The following SPAG16 variants were observed in gnomAD, a reference collection of about 807,000 sequenced individuals.
The protein encoded by SPAG16 is sperm associated antigen 16, also known as sperm-associated antigen 16 protein.
A neutral mutation model predicts 80.4 loss-of-function variants in SPAG16; 86 were observed. That is an observed-to-expected ratio of 1.07 (90% CI 0.90 to 1.28). The LOEUF (loss-of-function observed/expected upper bound fraction) is 1.28, where lower values mean the gene tolerates loss of function less well. Among genes scored for constraint, SPAG16 ranks in the 50% most tolerant of loss-of-function variants. The probability of loss-of-function intolerance (pLI) is 0.00; values close to 1 mark genes in which losing one functional copy is unlikely to be tolerated. For missense variants in SPAG16, 870 were observed against 765.3 expected (o/e 1.14, Z -1.61); for synonymous variants, 294 against 265.9 (o/e 1.11, Z -1.03).
chr2:213,653,341 T>C (rs578086132), intron 10 of SPAG16, among the ~76,000 whole-genome samples: 1 of 152,304 alleles, frequency 6.6e-6, no homozygotes, highest in East Asian at 1.9e-4. Context: ...GGACTAATAC[T>C]TGTCATAGGC....
intron 15 of SPAG16, among the ~76,000 whole-genome samples, chr2:214,378,207 C>T (rs560663078): frequency 1.3e-5 from 2 of 152,266 alleles, no homozygotes; most frequent in East Asian, 3.9e-4. Flanking sequence ...AAATTTGTGT[C>T]TTTTAAGCTA....
At position 214,076,545 on chromosome 2, in the gene SPAG16, G is replaced by GTGTGTGTC. The variant is rs1553710466; in HGVS notation, c.1528-31644_1528-31643insCTGTGTGT. Among the ~76,000 whole-genome samples the GTGTGTGTC allele has an allele frequency of 1.8e-3, 200 of 113,558 alleles. 1 individual carries two copies. The highest frequency in any genetic ancestry group is 5.8e-3 in the African/African-American group (170 of 29,260). 74.5% of individuals were successfully genotyped at this position (113,558 alleles called of 152,430 possible). ...TGTGTGTGTGTGTGTGTGTGTGTCT[G>GTGTGTGTC]TGTGTGTGTGTGTGTGTGTGTTTGT... On this transcript the variant is annotated intron_variant, in intron 13 of 15. Transcript: ENST00000331683.
intron 10 of SPAG16, among the ~76,000 whole-genome samples, chr2:213,751,516 C>T (rs1231647816): frequency 1.3e-5 from 2 of 152,188 alleles, no homozygotes; most frequent in African/African-American, 2.4e-5. Flanking sequence ...TTCTCTCCAT[C>T]GTTTCCTGCT....
At chr2:213,915,822 A>T (rs2077932527) in intron 11 of SPAG16, among the ~76,000 whole-genome samples, 1 of 152,140 alleles carries the variant, frequency 6.6e-6, no homozygotes, top group Non-Finnish European at 1.5e-5. Context: ...TCTAACTGGC[A>T]TGAGATGGTA....
chr2:213,738,318 C>T (rs571334352), intron 10 of SPAG16, among the ~76,000 whole-genome samples: 1 of 152,218 alleles, frequency 6.6e-6, no homozygotes. Context: ...AACATACATA[C>T]TTATGATAAA....
chr2:214,260,755 A>G (rs1418684961), intron 15 of SPAG16, among the ~76,000 whole-genome samples: 4 of 152,058 alleles, frequency 2.6e-5, no homozygotes, highest in African/African-American at 9.7e-5. Context: ...ATCTTTGACT[A>G]TTCAGGCATT....
At chr2:213,463,349 G>A (rs1010249332) in intron 9 of SPAG16, among the ~76,000 whole-genome samples, 7 of 152,234 alleles carry the variant, frequency 4.6e-5, no homozygotes, top group Admixed American at 2.6e-4. Flanking sequence ...GTAACAAGGA[G>A]CTGAATGTTA....
chr2:213,822,215 TTGTC>T (rs1318002109), intron 10 of SPAG16, among the ~76,000 whole-genome samples: 1 of 152,198 alleles, frequency 6.6e-6, no homozygotes, highest in African/African-American at 2.4e-5. Context: ...CCATTTGTTA[TTGTC>T]TGTCTTTTTG....
chr2:213,500,196 A>G (rs574733356), intron 10 of SPAG16, among the ~76,000 whole-genome samples: 1 of 152,202 alleles, frequency 6.6e-6, no homozygotes, highest in Admixed American at 6.5e-5. Context: ...AGTAACAAAT[A>G]TAAATTTAGA....
chr2:214,103,938 G>C (rs79216624), intron 13 of SPAG16, among the ~76,000 whole-genome samples: 1 of 138,964 alleles, frequency 7.2e-6, no homozygotes, highest in Non-Finnish European at 1.6e-5. Flanking sequence ...AGGGAGAGAG[G>C]GAAACAGAGA....
chr2:213,965,631 G>C (rs532580579), intron 12 of SPAG16, among the ~76,000 whole-genome samples: 1 of 152,032 alleles, frequency 6.6e-6, no homozygotes, highest in African/African-American at 2.4e-5. Flanking sequence ...TTTTACTATC[G>C]TATGGCTATA....
At chr2:213,340,291 A>T in intron 6 of SPAG16, 21 bp downstream of exon 6, 1 of 1,465,096 alleles carries the variant, frequency 6.8e-7, no homozygotes, top group Non-Finnish European at 9.4e-7. Flanking sequence ...ACTTGTTGGC[A>T]TATTTATTAA....
intron 10 of SPAG16, among the ~76,000 whole-genome samples, chr2:213,716,663 A>G (rs954530234): frequency 1.3e-5 from 2 of 152,116 alleles, no homozygotes; most frequent in African/African-American, 4.8e-5. Flanking sequence ...TTAACCTATC[A>G]TTTCTAACTA....
intron 7 of SPAG16, 148 bp downstream of exon 7, chr2:213,350,793 GA>G (rs2065282473): frequency 7.3e-6 from 4 of 544,414 alleles, no homozygotes; most frequent in Admixed American, 7.3e-5. Context: ...GAAACATTCA[GA>G]AAAAGTATTT....
chr2:214,293,573 G>A (rs1693941737), intron 15 of SPAG16, among the ~76,000 whole-genome samples: 1 of 152,214 alleles, frequency 6.6e-6, no homozygotes, highest in Non-Finnish European at 1.5e-5. Flanking sequence ...ATACTCCCCA[G>A]GTCACTAGCA....
chr2:213,978,155 G>A (rs1296228970), intron 12 of SPAG16, among the ~76,000 whole-genome samples: 1 of 151,604 alleles, frequency 6.6e-6, no homozygotes, highest in African/African-American at 2.4e-5. Flanking sequence ...TCCCGTCTTG[G>A]GACACTGGAA....
chr2:213,742,559 T>TG (rs1282355657), intron 10 of SPAG16, among the ~76,000 whole-genome samples: 17 of 150,886 alleles, frequency 1.1e-4, no homozygotes, highest in South Asian at 4.2e-4. Flanking sequence ...TTTTTTTTTT[T>TG]TTTTTTTTTT....
chr2:213,966,847 T>C (rs1324525204), intron 12 of SPAG16, among the ~76,000 whole-genome samples: 1 of 152,216 alleles, frequency 6.6e-6, no homozygotes, highest in Admixed American at 6.5e-5. Context: ...ATACAGTATG[T>C]GATCTACTCC....
At chr2:214,355,859 T>C (rs941186768) in intron 15 of SPAG16, among the ~76,000 whole-genome samples, 3 of 151,158 alleles carry the variant, frequency 2.0e-5, no homozygotes, top group South Asian at 2.1e-4. Context: ...AATGATGAGT[T>C]CATGTCCTTT....
Sources: allele counts gnomAD v4.1 joint callset (sites outside exome capture counted in the v4.1 genomes callset), GRCh38; gene constraint gnomAD v4.1.1; transcripts MANE v1.5; gene names NCBI Gene and HGNC (gene_info 2026-07-23, HGNC 2026-07-21).